The following SLC8B1 variants were observed in gnomAD, a reference collection of about 807,000 sequenced individuals.
SLC8B1 encodes mitochondrial sodium/calcium exchanger protein.
A neutral mutation model predicts 63.4 loss-of-function variants in SLC8B1; 52 were observed. That is an observed-to-expected ratio of 0.82 (90% CI 0.66 to 1.03). SLC8B1 has a LOEUF of 1.03. SLC8B1 is among the 50% of genes least tolerant of loss of function. SLC8B1 has a pLI of 0.00. For missense variants in SLC8B1, 657 were observed against 741.7 expected, an observed-to-expected ratio of 0.89 and a Z score of 1.33; for synonymous variants, 336 against 323.9, an observed-to-expected ratio of 1.04 and a Z score of -0.40.
In SLC8B1 at chr12:113,299,750, T is replaced by C. The variant is rs572424275; in HGVS notation, c.*27A>G. 8.7e-6 allele frequency: 14 copies of C among 1,611,310 alleles called. No homozygotes were observed. The highest frequency in any genetic ancestry group is 1.2e-5 in the Non-Finnish European group (14 of 1,178,252). ...GGAGGGGCGGGGCTCCTGCCTGCAG[T>C]GAGGCCACAGCACTAAGCGGCTTCA... On this transcript the variant is annotated 3_prime_UTR_variant, in exon 16 of 16. Transcript: ENST00000680972.
At chr12:113,309,763 A>C (rs1315865867) in intron 12 of SLC8B1, among the ~76,000 whole-genome samples, 1 of 152,110 alleles carries the variant, frequency 6.6e-6, no homozygotes, top group African/African-American at 2.4e-5. Context: ...CTCAAAAAAA[A>C]GGAAATCACA....
chr12:113,332,888 CG>C lies in SLC8B1; in HGVS notation c.-11del. On this transcript the variant is annotated 5_prime_UTR_variant, in exon 2 of 16. Transcript: ENST00000680972. The stretch of plus-strand genomic sequence containing the variant: ...GCCTTCTGCCGGCCATCTGCCCCCA[CG>C]GGGCCTGGCCCTTACTCTCCACTTC... The C allele has an allele frequency of 6.2e-7, 1 of 1,613,190 alleles. No homozygotes were observed. The highest frequency in any genetic ancestry group is 8.5e-7 in the Non-Finnish European group (1 of 1,179,732).
chr12:113,319,164 G>T, intron 7 of SLC8B1, 93 bp from the exon 8 acceptor site: 1 of 934,742 alleles, frequency 1.1e-6, no homozygotes, highest in Non-Finnish European at 1.7e-6. Flanking sequence ...CGTGTTAGCG[G>T]TGGCAATCTG....
chr12:113,320,255 T>C lies in SLC8B1; in HGVS notation c.694+76A>G. 6.5e-7 allele frequency: 1 copy of C among 1,533,662 alleles called. No homozygotes were observed. Among genetic ancestry groups the C allele is most frequent in the Non-Finnish European group, 8.8e-7 (1 of 1,131,720 alleles). ...GCCCCCACTGACCACCCCTCACACC[T>C]CTCTGTCCCAGGCACCTCCTAAACC... On this transcript the variant is annotated intron_variant, in intron 7 of 15. Coordinates refer to ENST00000680972, the MANE Select transcript of SLC8B1 (RefSeq NM_001358345.2). This position sits in a 1 kb window ranked among gnomAD's most constrained non-coding sequence, Gnocchi z 5.3.
intron 2 of SLC8B1, 81 bp downstream of exon 2, chr12:113,332,642 A>G (rs1957071368): frequency 1.3e-6 from 2 of 1,486,862 alleles, no homozygotes; most frequent in Non-Finnish European, 1.8e-6. Context: ...AGTGCCTGGC[A>G]CATAGTAGAT....
intron 8 of SLC8B1, among the ~76,000 whole-genome samples, chr12:113,318,313 G>A (rs574313642): frequency 6.6e-5 from 10 of 151,496 alleles, no homozygotes; most frequent in Non-Finnish European, 1.2e-4. Flanking sequence ...GTGTATGTGC[G>A]CATGCATGCA....
chr12:113,306,065 G>GC (rs1956668773), intron 14 of SLC8B1, among the ~76,000 whole-genome samples: 1 of 20,840 alleles, frequency 4.8e-5, no homozygotes, highest in Non-Finnish European at 8.2e-5. Flanking sequence ...TCCCCACCCT[G>GC]CAAAAAAAAA....
rs376418676 is a variant in SLC8B1 at position 113,299,502 on chromosome 12, G to T, written c.*275C>A. On this transcript the variant is annotated 3_prime_UTR_variant, in exon 16 of 16. Transcript: ENST00000680972. ...AGCCCTTCTCAGAGGGGCTCTGGGGGTCATTCAAGGGGGACTTCTAGCTTC... is the reference window on the plus strand; with the variant it reads ...AGCCCTTCTCAGAGGGGCTCTGGGGTTCATTCAAGGGGGACTTCTAGCTTC... The T allele has an allele frequency of 2.1e-5, 9 of 426,856 alleles. No homozygotes were observed. The highest frequency in any genetic ancestry group is 3.9e-5 in the Non-Finnish European group (9 of 228,266). The allele number at this position is 426,856 out of a possible 1,614,324, so 26.4% of individuals were successfully genotyped here. A position where few individuals can be genotyped will look rare whatever the true frequency, so the allele number is the denominator to read the frequency against.
rs1164047299 is a variant in SLC8B1, at chr12:113,332,837, C to T, written c.42G>A (p.Val14=). Residue 14 remains valine (V), a synonymous_variant, in exon 2 of 16, where the codon GTG becomes GTA. Coordinates refer to ENST00000680972, the MANE Select transcript of SLC8B1 (RefSeq NM_001358345.2). The part of the protein sequence containing the change: ...RRLNLRWALS[V]LCVLLMAETV... Reference sequence around the variant, plus strand: ...TCTCCGCCATTAGCAGCACACAAAGCACACTCAGTGCCCAGCGCAGATTCA... The same window carrying T: ...TCTCCGCCATTAGCAGCACACAAAGTACACTCAGTGCCCAGCGCAGATTCA... 6.2e-7 allele frequency: 1 copy of T among 1,614,106 alleles called. No individual in the cohort carries two copies. Among genetic ancestry groups the T allele is most frequent in the African/African-American group, 1.3e-5 (1 of 74,958 alleles).
rs1184211851 is a variant in SLC8B1 at position 113,306,517 on chromosome 12, G to GGCGGAGAACGCCATCCGTGGGTA, written c.1447_1469dup (p.Cys491ThrfsTer36). ...TACTGAAGATGATGCCGCCAAAGCAGGCGGAGAACGCCATCCGTGGGTAGC... is the reference window on the plus strand; with the variant it reads ...TACTGAAGATGATGCCGCCAAAGCAGGCGGAGAACGCCATCCGTGGGTAGCGGAGAACGCCATCCGTGGGTAGC... On this transcript the variant is annotated frameshift_variant, in exon 14 of 16. Coordinates refer to ENST00000680972, the MANE Select transcript of SLC8B1 (RefSeq NM_001358345.2). LOFTEE classifies it high-confidence loss of function. The GGCGGAGAACGCCATCCGTGGGTA allele has an allele frequency of 6.2e-7, 1 of 1,613,718 alleles. No homozygotes were observed.
intron 11 of SLC8B1, among the ~76,000 whole-genome samples, chr12:113,311,751 T>C (rs1371579079): frequency 7.3e-6 from 1 of 137,756 alleles, no homozygotes; most frequent in Non-Finnish European, 1.5e-5. Context: ...TCAACCAGGC[T>C]GGAGTGCACT....
At chr12:113,318,408 A>C (rs1378943462) in intron 8 of SLC8B1, among the ~76,000 whole-genome samples, 1 of 150,594 alleles carries the variant, frequency 6.6e-6, no homozygotes, top group Non-Finnish European at 1.5e-5. Context: ...GTGTGTGTGC[A>C]TATATTTGTA....
At chr12:113,306,026 T>C (rs2065649169) in intron 14 of SLC8B1, among the ~76,000 whole-genome samples, 2 of 117,384 alleles carry the variant, frequency 1.7e-5, no homozygotes, top group South Asian at 5.9e-4. Flanking sequence ...GCCACCGCAC[T>C]CCAGCCTGGG....
At chr12:113,300,498 T>TAACAAC (rs959168970) in intron 15 of SLC8B1, among the ~76,000 whole-genome samples, 4 of 151,008 alleles carry the variant, frequency 2.6e-5, no homozygotes, top group African/African-American at 4.9e-5. Flanking sequence ...ATAAATAAAA[T>TAACAAC]AACAACAACA....
chr12:113,323,804 A>G lies in SLC8B1; in HGVS notation c.157-2456T>C, dbSNP rs1593256819. Among the ~76,000 whole-genome samples, 3 of 152,040 alleles carry G rather than the reference A, an allele frequency of 2.0e-5. No individual in the cohort carries two copies. In the South Asian group the frequency reaches 6.2e-4, roughly 32 times the overall value. ...AAAAGCTTTGTCAAACCACAGTTCC[A>G]CCTCCTCCACAAGCCCTCTCTGAAC... is the stretch of plus-strand genomic sequence containing the variant. On this transcript the variant is annotated intron_variant, in intron 2 of 15. Coordinates refer to ENST00000680972, the MANE Select transcript of SLC8B1 (RefSeq NM_001358345.2).
Position 113,334,747 on chromosome 12 carries a change from C to A in SLC8B1, c.-387G>T, listed in dbSNP as rs1957106430. On this transcript the variant is annotated 5_prime_UTR_variant, in exon 1 of 16. Coordinates refer to ENST00000680972, the MANE Select transcript of SLC8B1 (RefSeq NM_001358345.2). The stretch of plus-strand genomic sequence containing the variant: ...GCATGCGTCTCGTCTCTCTTTGCTG[C>A]CGATTTATTTTACTGATTCACTAGT... 4 of 152,236 alleles carry A rather than the reference C, an allele frequency of 2.6e-5. No individual in the cohort carries two copies. The highest frequency in any genetic ancestry group is 7.2e-5 in the African/African-American group (3 of 41,454). The allele number at this position is 152,236 out of a possible 1,614,324, so 9.4% of individuals were successfully genotyped here.
Position 113,332,786 on chromosome 12 carries a change from A to G in SLC8B1, c.93T>C (p.Ser31=), listed in dbSNP as rs1957073275. The part of the protein sequence containing the change: ...AETVSGTRGS[S]TGAHISPQFP... ...ACTGGGGGCTAATGTGAGCTCCTGTAGACGAGCCCCTAGTCCCAGACACTG... is the reference window on the plus strand; with the variant it reads ...ACTGGGGGCTAATGTGAGCTCCTGTGGACGAGCCCCTAGTCCCAGACACTG... The change falls in exon 2 of 16, where the codon TCT becomes TCC. Residue 31 remains serine, a synonymous_variant. Coordinates refer to ENST00000680972, the MANE Select transcript of SLC8B1 (RefSeq NM_001358345.2). 2 of 1,614,080 alleles carry G rather than the reference A, an allele frequency of 1.2e-6. No homozygotes were observed. The highest frequency in any genetic ancestry group is 2.2e-5 in the South Asian group (2 of 91,086).
intron 2 of SLC8B1, among the ~76,000 whole-genome samples, chr12:113,324,319 A>C (rs984875967): frequency 3.2e-4 from 48 of 151,106 alleles, no homozygotes; most frequent in South Asian, 8.4e-4. Context: ...TCAAAAAAAA[A>C]CAAACAAACA....
intron 7 of SLC8B1, chr12:113,319,362 G>A (rs1365467086): frequency 9.6e-6 from 3 of 312,266 alleles, no homozygotes; most frequent in Non-Finnish European, 1.9e-5. Context: ...CTGTGCCCTG[G>A]GAGGAGGCAG....
Sources: allele counts gnomAD v4.1 joint callset (sites outside exome capture counted in the v4.1 genomes callset), GRCh38; gene constraint gnomAD v4.1.1; non-coding constraint Gnocchi (gnomAD v3.1); transcripts MANE v1.5; gene names NCBI Gene and HGNC (gene_info 2026-07-23, HGNC 2026-07-21).